Variants in CCDC85A observed in about 807,000 individuals in gnomAD.
The protein encoded by CCDC85A is coiled-coil domain containing 85A.
CCDC85A carries 38 observed loss-of-function variants against 50.2 expected under a neutral mutation model. The ratio of observed to expected loss-of-function variants is 0.76; its 90% CI spans 0.58 to 0.99. The LOEUF (loss-of-function observed/expected upper bound fraction) is 0.99, where lower values mean the gene tolerates loss of function less well. Among genes scored for constraint, CCDC85A ranks in the 50% least tolerant of loss-of-function variants. CCDC85A has a pLI of 0.00. For missense variants in CCDC85A, 820 were observed against 742.0 expected, an observed-to-expected ratio of 1.11 and a Z score of -1.22; for synonymous variants, 366 against 301.4, an observed-to-expected ratio of 1.21 and a Z score of -2.22.
intron 2 of CCDC85A, among the ~76,000 whole-genome samples, chr2:56,272,992 C>T (rs1202556914): frequency 6.6e-6 from 1 of 152,034 alleles, no homozygotes; most frequent in Non-Finnish European, 1.5e-5. Context: ...GATAACCATA[C>T]TGAATGACTT....
At chr2:56,363,269 C>G (rs897325628) in intron 3 of CCDC85A, among the ~76,000 whole-genome samples, 1 of 152,100 alleles carries the variant, frequency 6.6e-6, no homozygotes, top group East Asian at 1.9e-4. Flanking sequence ...TTTCATTTTT[C>G]CCTGCCAGAG....
At chr2:56,314,878 C>T (rs6545568) in intron 2 of CCDC85A, among the ~76,000 whole-genome samples, 4,114 of 152,200 alleles carry the variant, frequency 0.027, 192 homozygotes, top group African/African-American at 0.093. Context: ...TGTCTCCCAG[C>T]ACTGGAGCAC....
intron 3 of CCDC85A, among the ~76,000 whole-genome samples, chr2:56,349,614 T>C (rs1674802600): frequency 6.6e-6 from 1 of 152,092 alleles, no homozygotes; most frequent in Non-Finnish European, 1.5e-5. Flanking sequence ...TTTGAGAACT[T>C]CTGATACATG....
intron 2 of CCDC85A, among the ~76,000 whole-genome samples, chr2:56,283,593 T>C (rs1671299867): frequency 1.3e-5 from 2 of 152,306 alleles, no homozygotes; most frequent in Middle Eastern, 3.4e-3. Context: ...AAAATGGTTC[T>C]TTGGTTGGTT....
intron 3 of CCDC85A, among the ~76,000 whole-genome samples, chr2:56,344,227 C>T (rs936671582): frequency 2.6e-5 from 4 of 152,092 alleles, no homozygotes; most frequent in African/African-American, 9.7e-5. Context: ...AGATTAACAA[C>T]ACTAATAACA....
chr2:56,351,102 G>A (rs1201348323), intron 3 of CCDC85A, among the ~76,000 whole-genome samples: 3 of 138,818 alleles, frequency 2.2e-5, no homozygotes, highest in African/African-American at 8.2e-5. Context: ...AATATGCGGT[G>A]TTTGGTTTTT....
Position 56,253,216 on chromosome 2 carries a change from C to G in CCDC85A, c.1240+59776C>G, listed in dbSNP as rs556379752. Among the ~76,000 whole-genome samples the G allele has an allele frequency of 1.1e-4, 16 of 152,246 alleles. 1 individual carries two copies. In the South Asian group the frequency reaches 3.3e-3, roughly 32 times the overall value. ...GTTTTCTTCAAGTCCCTACGCCCAT[C>G]AAGGATAAACTGTGATTGAAACTTC... On this transcript the variant is annotated intron_variant, in intron 2 of 5. Transcript: ENST00000407595.
rs150006358 is a variant in CCDC85A at position 56,282,138 on chromosome 2, TA to T, written c.1241-60740del. ...AGGAAAATTTTGAGAGTTTTTTTTT[TA>T]TGGATATCGAGGTACAATTTGTTGA... On this transcript the variant is annotated intron_variant, in intron 2 of 5. Coordinates refer to ENST00000407595, the MANE Select transcript of CCDC85A (RefSeq NM_001080433.2). 1.9e-3 allele frequency among the ~76,000 whole-genome samples: 294 copies of T among 152,286 alleles called. 1 individual carries two copies. Among genetic ancestry groups the T allele is most frequent in the African/African-American group, 6.5e-3 (269 of 41,562 alleles).
intron 2 of CCDC85A, among the ~76,000 whole-genome samples, chr2:56,255,147 C>T (rs1186228785): frequency 6.6e-6 from 1 of 152,160 alleles, no homozygotes; most frequent in East Asian, 1.9e-4. Context: ...TTACTTCTGC[C>T]CATGGTCCAT....
At chr2:56,291,755 CAAAG>C (rs1403085092) in intron 2 of CCDC85A, among the ~76,000 whole-genome samples, 4 of 139,232 alleles carry the variant, frequency 2.9e-5, no homozygotes, top group African/African-American at 1.1e-4. Flanking sequence ...GGTTTTTACT[CAAAG>C]AAAAATGGGA....
chr2:56,381,302 A>G (rs911453535), intron 5 of CCDC85A, among the ~76,000 whole-genome samples: 4 of 152,134 alleles, frequency 2.6e-5, no homozygotes, highest in Non-Finnish European at 4.4e-5. Flanking sequence ...ATAAATTTTA[A>G]AAAGTGAGCC....
At chr2:56,337,005 G>A (rs1674107287) in intron 2 of CCDC85A, among the ~76,000 whole-genome samples, 1 of 152,202 alleles carries the variant, frequency 6.6e-6, no homozygotes, top group Non-Finnish European at 1.5e-5. Flanking sequence ...TATTTGACTA[G>A]TCCCCATTGT....
At chr2:56,376,120 T>C (rs1300537088) in intron 5 of CCDC85A, among the ~76,000 whole-genome samples, 185 bp downstream of exon 5, 1 of 151,942 alleles carries the variant, frequency 6.6e-6, no homozygotes, top group Admixed American at 6.6e-5. Context: ...TGACAATGAG[T>C]TTGAGTACTT....
At chr2:56,211,338 AAT>A (rs1257488337) in intron 2 of CCDC85A, among the ~76,000 whole-genome samples, 1 of 152,024 alleles carries the variant, frequency 6.6e-6, no homozygotes, top group East Asian at 1.9e-4. Flanking sequence ...CACTTGCAGA[AAT>A]ATATTCTCCT....
chr2:56,285,567 A>G (rs1363003337), intron 2 of CCDC85A, among the ~76,000 whole-genome samples: 3 of 145,498 alleles, frequency 2.1e-5, no homozygotes, highest in Non-Finnish European at 4.5e-5. Flanking sequence ...AATATATAAT[A>G]TAATATAATT....
intron 2 of CCDC85A, among the ~76,000 whole-genome samples, chr2:56,279,081 C>G (rs1191195449): frequency 2.0e-5 from 3 of 152,162 alleles, no homozygotes; most frequent in Non-Finnish European, 4.4e-5. Context: ...GCTCCACAGT[C>G]CCCTCTCTTC....
intron 2 of CCDC85A, among the ~76,000 whole-genome samples, chr2:56,208,016 G>A (rs1285614811): frequency 2.0e-5 from 3 of 152,082 alleles, no homozygotes; most frequent in African/African-American, 7.2e-5. Context: ...AAAACGGTGA[G>A]TTCAAGTTTA....
At chr2:56,375,285 C>A (rs748856868) in intron 4 of CCDC85A, among the ~76,000 whole-genome samples, 14 of 152,140 alleles carry the variant, frequency 9.2e-5, no homozygotes, top group Non-Finnish European at 1.3e-4. Context: ...TTAAAAAGAG[C>A]AGAAAAGATC....
At chr2:56,331,507 A>G (rs1351389266) in intron 2 of CCDC85A, among the ~76,000 whole-genome samples, 1 of 152,194 alleles carries the variant, frequency 6.6e-6, no homozygotes, top group African/African-American at 2.4e-5. Flanking sequence ...ATGTAACAAA[A>G]CTGCACTTGT....
Sources: gnomAD v4.1 joint callset for allele counts (sites outside exome capture counted in the v4.1 genomes callset) on GRCh38, gnomAD v4.1.1 for gene constraint, MANE v1.5 for transcripts, NCBI Gene and HGNC (gene_info 2026-07-23, HGNC 2026-07-21) for gene names.